The following PKM variants were observed in gnomAD, a reference collection of about 807,000 sequenced individuals.
The protein encoded by PKM is pyruvate kinase M1/2.
A neutral mutation model predicts 49.8 loss-of-function variants in PKM; 18 were observed. That is an observed-to-expected ratio of 0.36 (90% CI 0.25 to 0.54). PKM has a LOEUF of 0.54. Among genes scored for constraint, PKM ranks in the 20% least tolerant of loss-of-function variants. The probability of loss-of-function intolerance (pLI) is 0.89; values close to 1 mark genes in which losing one functional copy is unlikely to be tolerated. For synonymous variants in PKM, 239 were observed against 261.8 expected (o/e 0.91, Z 0.84); for missense variants, 508 against 713.8 (o/e 0.71, Z 3.28).
intron 5 of PKM, 83 bp from the exon 6 acceptor site, chr15:72,208,974 T>TG (rs1193493946): frequency 6.9e-7 from 1 of 1,446,130 alleles, no homozygotes; most frequent in African/African-American, 1.4e-5. Flanking sequence ...GCAAGGACAG[T>TG]GAGCTGGGAA....
At chr15:72,224,482 C>T (rs768314987) in intron 1 of PKM, among the ~76,000 whole-genome samples, 4 of 152,144 alleles carry the variant, frequency 2.6e-5, no homozygotes, top group Non-Finnish European at 5.9e-5. Flanking sequence ...CTTCCTACGG[C>T]AGCCTTTATA....
Position 72,200,934 on chromosome 15 carries a change from C to T in PKM, c.1308-279G>A. 2.4e-6 allele frequency: 1 copy of T among 410,742 alleles called. No homozygotes were observed. The highest frequency in any genetic ancestry group is 3.4e-5 in the South Asian group (1 of 29,364). The allele number at this position is 410,742 out of a possible 1,614,324, so 25.4% of individuals were successfully genotyped here. ...ATCAGCCTCACCCACTTACCCCACACAGCCCATGGTTGGCAGAACCCCTCC... is the reference window on the plus strand; with the variant it reads ...ATCAGCCTCACCCACTTACCCCACATAGCCCATGGTTGGCAGAACCCCTCC... On this transcript the variant is annotated intron_variant, in intron 9 of 10. Coordinates refer to ENST00000335181, the MANE Select transcript of PKM (RefSeq NM_002654.6). The surrounding 1 kb of genome is among the most constrained non-coding windows in gnomAD (Gnocchi z 4.6).
Position 72,207,223 on chromosome 15 carries a change from T to TAG in PKM, c.889_890dup (p.Gly298Ter). The TAG allele has an allele frequency of 6.2e-7, 1 of 1,614,072 alleles. No individual in the cohort carries two copies. The highest frequency in any genetic ancestry group is 8.5e-7 in the Non-Finnish European group (1 of 1,179,926). ...CCTTCTCTGCAGGAATCTCAATGCC[T>TAG]AGATCACCACGAGCCACCATGATCC... On this transcript the variant is annotated frameshift_variant, in exon 7 of 11. Transcript: ENST00000335181. LOFTEE classifies it high-confidence loss of function.
intron 3 of PKM, among the ~76,000 whole-genome samples, chr15:72,211,112 C>A (rs533411054): frequency 6.6e-6 from 1 of 151,398 alleles, no homozygotes; most frequent in Admixed American, 6.6e-5. Flanking sequence ...GTCGCCCAGG[C>A]TGGAGTGCAG....
chr15:72,208,264 T>C (rs1321404486), intron 6 of PKM, among the ~76,000 whole-genome samples: 1 of 151,738 alleles, frequency 6.6e-6, no homozygotes, highest in Non-Finnish European at 1.5e-5. Context: ...TTCCCCCTGG[T>C]CCCCCCATTC....
chr15:72,215,007 T>C (rs1272437523), intron 3 of PKM, among the ~76,000 whole-genome samples: 1 of 152,062 alleles, frequency 6.6e-6, no homozygotes, highest in Non-Finnish European at 1.5e-5. Flanking sequence ...AAGACCAGCC[T>C]GGCCAACATG....
intron 3 of PKM, 148 bp downstream of exon 3, chr15:72,217,261 T>C: frequency 1.5e-6 from 1 of 662,018 alleles, no homozygotes; most frequent in Non-Finnish European, 2.8e-6. Context: ...GGAAGGAGAG[T>C]AGGGATGGGC....
At chr15:72,204,150 G>C (rs2082014111) in intron 8 of PKM, 1 of 152,214 alleles carries the variant, frequency 6.6e-6, no homozygotes, top group African/African-American at 2.4e-5. Flanking sequence ...ACATGAACAG[G>C]AAACAGAGCC....
intron 4 of PKM, 191 bp from the exon 5 acceptor site, chr15:72,210,050 G>A (rs2082209584): frequency 1.5e-6 from 1 of 651,886 alleles, no homozygotes; most frequent in Non-Finnish European, 2.7e-6. Flanking sequence ...ATATGTTTCA[G>A]TTATGCTACT....
chr15:72,200,654 A>T lies in PKM; in HGVS notation c.1309T>A (p.Ser437Thr). ...AIIVLTKSGR[S>T]AHQVARYRPR... The stretch of plus-strand genomic sequence containing the variant: ...CGGTATCTGGCCACCTGGTGAGCAG[A>T]CCTGAGATGGGATGGGGGACATACA... The change falls in exon 10 of 11, where the codon TCT (serine) becomes ACT (threonine). Residue 437 changes from serine (S) to threonine (T), a missense_variant and splice_region_variant. Coordinates refer to ENST00000335181, the MANE Select transcript of PKM (RefSeq NM_002654.6). The surrounding 1 kb of genome is among the most constrained non-coding windows in gnomAD (Gnocchi z 4.6). 1 of 1,611,392 alleles carries T rather than the reference A, an allele frequency of 6.2e-7. No homozygotes were observed. The highest frequency in any genetic ancestry group is 8.5e-7 in the Non-Finnish European group (1 of 1,178,098).
At chr15:72,199,793 A>T in intron 10 of PKM, 37 bp from the exon 11 acceptor site, 1 of 1,478,380 alleles carries the variant, frequency 6.8e-7, no homozygotes, top group Non-Finnish European at 9.4e-7. Context: ...AGTAAAAGCC[A>T]AGCCAGGCAG....
At chr15:72,213,553 C>A (rs538774681) in intron 3 of PKM, among the ~76,000 whole-genome samples, 1 of 152,308 alleles carries the variant, frequency 6.6e-6, no homozygotes, top group South Asian at 2.1e-4. Context: ...GCCTCAGGCT[C>A]CCGAGTAGCT....
rs564669988 is a variant in PKM at position 72,231,171 on chromosome 15, G to A, written c.-69C>T. ...CAAAGACGAAGAGATCCGGAGCCAC[G>A]GCGCGTGCAGCTGCTGTGCAAGGAG... On this transcript the variant is annotated 5_prime_UTR_variant, in exon 1 of 11. Transcript: ENST00000335181. The A allele has an allele frequency of 1.0e-5, 3 of 287,382 alleles. No individual in the cohort carries two copies. The highest frequency in any genetic ancestry group is 4.4e-5 in the African/African-American group (2 of 45,016). The allele number at this position is 287,382 out of a possible 1,614,324, so 17.8% of individuals were successfully genotyped here.
intron 1 of PKM, among the ~76,000 whole-genome samples, chr15:72,228,044 T>G (rs943173805): frequency 5.9e-5 from 9 of 152,220 alleles, no homozygotes; most frequent in Non-Finnish European, 1.0e-4. Context: ...GGGGTACGGT[T>G]CTTAAAGAGC....
intron 2 of PKM, 77 bp from the exon 3 acceptor site, chr15:72,217,577 A>C (rs1357635229): frequency 9.7e-7 from 1 of 1,033,952 alleles, no homozygotes; most frequent in East Asian, 2.4e-5. Flanking sequence ...TTAAGTTTAA[A>C]GAATTTTTTT....
At chr15:72,208,543 G>C in intron 6 of PKM, 78 bp downstream of exon 6, 1 of 1,471,492 alleles carries the variant, frequency 6.8e-7, no homozygotes, top group Non-Finnish European at 9.5e-7. Flanking sequence ...CTAGGGGCTG[G>C]GAATCAGACA....
chr15:72,199,495 C>A lies in PKM; in HGVS notation c.*155G>T, dbSNP rs2081877609. ...CCACTAGAGCAGGCTGCAAACACAG[C>A]CATGTTTCAGTGAGGCGTTGATCTT... On this transcript the variant is annotated 3_prime_UTR_variant, in exon 11 of 11. Transcript: ENST00000335181. 4.2e-6 allele frequency: 3 copies of A among 711,716 alleles called. No homozygotes were observed. The highest frequency in any genetic ancestry group is 7.8e-6 in the Non-Finnish European group (3 of 386,206). 44.1% of individuals were successfully genotyped at this position (711,716 alleles called of 1,614,324 possible).
At chr15:72,222,506 G>C (rs2082553163) in intron 1 of PKM, 2 of 152,472 alleles carry the variant, frequency 1.3e-5, no homozygotes, top group Admixed American at 1.3e-4. Flanking sequence ...GAGCAGCCCA[G>C]CCTTGGTTTC....
chr15:72,227,744 C>CAAA lies in PKM; in HGVS notation c.-14+3369_-14+3371dup, dbSNP rs34876633. On this transcript the variant is annotated intron_variant, in intron 1 of 10. Transcript: ENST00000335181. ...CTGGGCAACAAGAGCAAAACTATCT[C>CAAA]AAAAAAAAAAAAAAAAAAAAAAAAA... Among the ~76,000 whole-genome samples the CAAA allele has an allele frequency of 1.1e-3, 12 of 10,802 alleles. 1 individual carries two copies. Among genetic ancestry groups the CAAA allele is most frequent in the African/African-American group, 2.7e-3 (9 of 3,390 alleles). The allele number at this position is 10,802 out of a possible 152,430, so 7.1% of individuals were successfully genotyped here. A position where few individuals can be genotyped will look rare whatever the true frequency, so the allele number is the denominator to read the frequency against.
Sources: gnomAD v4.1 joint callset for allele counts (sites outside exome capture counted in the v4.1 genomes callset) on GRCh38, gnomAD v4.1.1 for gene constraint, Gnocchi (gnomAD v3.1) non-coding constraint, MANE v1.5 for transcripts, NCBI Gene and HGNC (gene_info 2026-07-23, HGNC 2026-07-21) for gene names.